RASGRP3: variants seen among roughly 807,000 people sequenced by gnomAD.
RASGRP3 encodes the protein RAS guanyl releasing protein 3.
RASGRP3 carries 54 observed loss-of-function variants against 82.7 expected under a neutral mutation model. That is an observed-to-expected ratio of 0.65 (90% CI 0.52 to 0.82). RASGRP3 has a LOEUF of 0.82. Among genes scored for constraint, RASGRP3 ranks in the 40% least tolerant of loss-of-function variants. RASGRP3 has a pLI of 0.00. For synonymous variants in RASGRP3, 309 were observed against 300.5 expected, an observed-to-expected ratio of 1.03 and a Z score of -0.29; for missense variants, 861 against 828.9, an observed-to-expected ratio of 1.04 and a Z score of -0.48.
At chr2:33,512,779 G>T (rs1488392033) in intron 2 of RASGRP3, among the ~76,000 whole-genome samples, 4 of 152,122 alleles carry the variant, frequency 2.6e-5, no homozygotes, top group African/African-American at 4.8e-5. Flanking sequence ...AATAATTTTT[G>T]AGTATCTTTT....
chr2:33,513,666 G>A lies in RASGRP3; in HGVS notation c.-127-1344G>A, dbSNP rs536073176. On this transcript the variant is annotated intron_variant, in intron 2 of 17. Coordinates refer to ENST00000403687, the MANE Select transcript of RASGRP3 (RefSeq NM_001139488.2). ...CTGCTCCAAGTCCTATGGGGACCTG[G>A]CATCAAGGACCTGCTCTGTAAAATA... Among the ~76,000 whole-genome samples, 47 of 152,300 alleles carry A rather than the reference G, an allele frequency of 3.1e-4. No homozygotes were observed. The South Asian group carries it at 8.5e-3, about 28-fold the overall frequency.
At chr2:33,522,181 G>T (rs1368678674) in intron 7 of RASGRP3, 79 bp downstream of exon 7, 3 of 1,478,158 alleles carry the variant, frequency 2.0e-6, no homozygotes, top group Non-Finnish European at 2.7e-6. Context: ...TTCATACTCT[G>T]AAGTGTTGGC....
At chr2:33,555,644 C>T in intron 15 of RASGRP3, 77 bp downstream of exon 15, 1 of 1,249,126 alleles carries the variant, frequency 8.0e-7, no homozygotes, top group Non-Finnish European at 1.1e-6. Flanking sequence ...GGTTAAACTA[C>T]AAAAGCTCTT....
intron 2 of RASGRP3, among the ~76,000 whole-genome samples, chr2:33,467,980 T>TTTTC (rs60989460): frequency 0.076 from 8,760 of 115,462 alleles, 384 homozygotes; most frequent in East Asian, 0.13. Context: ...TGGTGAGGCT[T>TTTTC]TTTCTTTCTT....
intron 1 of RASGRP3, among the ~76,000 whole-genome samples, chr2:33,508,957 A>G (rs189586896): frequency 4.6e-5 from 7 of 152,322 alleles, no homozygotes; most frequent in African/African-American, 1.7e-4. Context: ...TGGTCTAGTT[A>G]CACTTTCCAT....
At chr2:33,537,241 A>G (rs1558501331) in intron 11 of RASGRP3, among the ~76,000 whole-genome samples, 1 of 148,320 alleles carries the variant, frequency 6.7e-6, no homozygotes, top group Non-Finnish European at 1.5e-5. Flanking sequence ...CAGTAGTGAG[A>G]TGGTGCCTGT....
chr2:33,538,005 A>T (rs1041187506), intron 11 of RASGRP3, among the ~76,000 whole-genome samples: 8 of 152,194 alleles, frequency 5.3e-5, no homozygotes, highest in Non-Finnish European at 1.0e-4. Flanking sequence ...AAGGACATAA[A>T]CTTGGCCACC....
At chr2:33,551,388 A>C (rs1675343329) in intron 14 of RASGRP3, among the ~76,000 whole-genome samples, 1 of 152,104 alleles carries the variant, frequency 6.6e-6, no homozygotes, top group Non-Finnish European at 1.5e-5. Flanking sequence ...TAGACCTGAA[A>C]ATTCTGATGT....
At chr2:33,529,122 T>C (rs1156706617) in intron 10 of RASGRP3, among the ~76,000 whole-genome samples, 3 of 152,074 alleles carry the variant, frequency 2.0e-5, no homozygotes, top group African/African-American at 7.2e-5. Flanking sequence ...GTAGGGAAAT[T>C]AATTTGAGTT....
At chr2:33,445,062 C>T (rs1407557586) in intron 1 of RASGRP3, among the ~76,000 whole-genome samples, 3 of 152,208 alleles carry the variant, frequency 2.0e-5, no homozygotes, top group Non-Finnish European at 4.4e-5. Context: ...TTGCTGATGT[C>T]TTTTCTGCAT....
chr2:33,495,471 C>T (rs1202291486), intron 1 of RASGRP3, among the ~76,000 whole-genome samples: 2 of 152,182 alleles, frequency 1.3e-5, no homozygotes, highest in East Asian at 3.9e-4. Context: ...CCCGCATTCA[C>T]CTCCTGCCGG....
chr2:33,438,949 G>C (rs896142992), intron 1 of RASGRP3, among the ~76,000 whole-genome samples: 1 of 152,136 alleles, frequency 6.6e-6, no homozygotes, highest in African/African-American at 2.4e-5. Flanking sequence ...GTTGAAGAGG[G>C]ATGTGGGAGA....
At chr2:33,506,820 G>A (rs954940865) in intron 1 of RASGRP3, among the ~76,000 whole-genome samples, 1 of 152,170 alleles carries the variant, frequency 6.6e-6, no homozygotes, top group African/African-American at 2.4e-5. Flanking sequence ...GGGGATTTTA[G>A]TCTTCGTGTC....
At chr2:33,468,592 G>T (rs920757010) in intron 2 of RASGRP3, among the ~76,000 whole-genome samples, 3 of 152,016 alleles carry the variant, frequency 2.0e-5, no homozygotes, top group African/African-American at 7.2e-5. Context: ...AGTACAGACA[G>T]GGTTTCACCA....
intron 11 of RASGRP3, among the ~76,000 whole-genome samples, chr2:33,538,647 G>C (rs62149021): frequency 7.2e-5 from 11 of 152,114 alleles, no homozygotes; most frequent in Non-Finnish European, 1.3e-4. Context: ...GCATTTAATA[G>C]CTATATAAAT....
At chr2:33,531,970 G>A (rs1371341724) in intron 10 of RASGRP3, 3 of 152,136 alleles carry the variant, frequency 2.0e-5, no homozygotes, top group Non-Finnish European at 4.4e-5. Context: ...AGGGAATTCA[G>A]AAGGAAGGAG....
rs150899696 is a variant in RASGRP3, at chr2:33,557,983, A to T, written c.1580-228A>T. On this transcript the variant is annotated intron_variant, in intron 15 of 17. Transcript: ENST00000403687. ...TCATTAGGTCCTCAATTGCATACAG[A>T]ACCAAGCTGAGCAAATCTAAGAGAA... Among the ~76,000 whole-genome samples the T allele has an allele frequency of 1.1e-4, 17 of 152,216 alleles. No individual in the cohort carries two copies. The East Asian group carries it at 3.1e-3, about 28-fold the overall frequency.
upstream of RASGRP3, among the ~76,000 whole-genome samples, chr2:33,473,487 C>T (rs565430172): frequency 5.3e-5 from 8 of 152,254 alleles, no homozygotes; most frequent in East Asian, 7.7e-4. Flanking sequence ...CAAGAGAAGG[C>T]GTGGTTGTTG....
At chr2:33,498,206 A>T (rs1398656920) in intron 1 of RASGRP3, among the ~76,000 whole-genome samples, 1 of 152,242 alleles carries the variant, frequency 6.6e-6, no homozygotes, top group Non-Finnish European at 1.5e-5. Context: ...ACTATGTGGC[A>T]GTTAATAAGC....
Sources: gnomAD v4.1 joint callset for allele counts (sites outside exome capture counted in the v4.1 genomes callset) on GRCh38, gnomAD v4.1.1 for gene constraint, MANE v1.5 for transcripts, NCBI Gene and HGNC (gene_info 2026-07-23, HGNC 2026-07-21) for gene names.